The following NTAQ1 variants were observed in gnomAD, a reference collection of about 807,000 sequenced individuals.
The protein encoded by NTAQ1 is N-terminal glutamine amidase 1, also known as protein N-terminal glutamine amidohydrolase.
A neutral mutation model predicts 28.2 loss-of-function variants in NTAQ1; 21 were observed. The observed-to-expected ratio is 0.74, with a 90% CI of 0.53 to 1.07. NTAQ1 has a LOEUF of 1.07. Among genes scored for constraint, NTAQ1 ranks in the 50% least tolerant of loss-of-function variants. The pLI is 0.00. For missense variants in NTAQ1, 264 were observed against 256.6 expected, an observed-to-expected ratio of 1.03 and a Z score of -0.20; for synonymous variants, 105 against 90.0, an observed-to-expected ratio of 1.17 and a Z score of -0.94.
intron 6 of NTAQ1, among the ~76,000 whole-genome samples, chr8:123,461,881 GGAGGAGGCTATGGCTA>G (rs1228720249): frequency 6.6e-6 from 1 of 152,126 alleles, no homozygotes; most frequent in Non-Finnish European, 1.5e-5. Context: ...GACTTGCTTT[GGAGGAGGCTATGGCTA>G]GAGTGTCACA....
rs150019454 is a variant in NTAQ1, at chr8:123,464,920, C to T, written c.373-2159C>T. On this transcript the variant is annotated intron_variant, in intron 6 of 6. Coordinates refer to the NTAQ1 transcript ENST00000650311. ...GGGTGTGGTATCATGCGCCTGTAAT[C>T]CTAGCTACTTGGAAGGCTGAGGCAC... 3.4e-3 allele frequency among the ~76,000 whole-genome samples: 514 copies of T among 152,204 alleles called. 1 individual carries two copies. Among genetic ancestry groups the T allele is most frequent in the Middle Eastern group, 0.014 (4 of 294 alleles).
intron 3 of NTAQ1, among the ~76,000 whole-genome samples, chr8:123,430,967 C>T (rs1009696122): frequency 5.3e-5 from 8 of 152,146 alleles, no homozygotes; most frequent in Non-Finnish European, 1.0e-4. Flanking sequence ...GTGGCATGGT[C>T]AGTGGCAGAA....
chr8:123,449,945 G>A (rs1815432152), downstream of NTAQ1, among the ~76,000 whole-genome samples: 1 of 13,908 alleles, frequency 7.2e-5, no homozygotes, highest in African/African-American at 1.6e-4. Flanking sequence ...GTGTGTGTGT[G>A]TGTGCATATA....
chr8:123,416,796 C>G lies in NTAQ1; in HGVS notation c.-54C>G, dbSNP rs949619878. ...GCCACTACAAGCCCGCCCTTTCCTA[C>G]GTCTGGTCCAGTCGGTCTTCCTCCG... On this transcript the variant is annotated 5_prime_UTR_variant, in exon 1 of 6. Transcript: ENST00000287387. 1.3e-6 allele frequency: 2 copies of G among 1,483,020 alleles called. No individual in the cohort carries two copies. The highest frequency in any genetic ancestry group is 1.3e-5 in the South Asian group (1 of 78,174). 91.9% of individuals were successfully genotyped at this position (1,483,020 alleles called of 1,614,324 possible).
intron 1 of NTAQ1, among the ~76,000 whole-genome samples, chr8:123,424,268 A>C (rs892892188): frequency 2.7e-5 from 4 of 149,822 alleles, no homozygotes; most frequent in African/African-American, 9.9e-5. Flanking sequence ...TTTAAGACGA[A>C]GTCTTGCACT....
intron 3 of NTAQ1, among the ~76,000 whole-genome samples, chr8:123,431,003 TA>T (rs1295510734): frequency 2.0e-5 from 3 of 152,116 alleles, no homozygotes; most frequent in African/African-American, 7.2e-5. Context: ...GGGTCCTTTT[TA>T]GTACACATCT....
chr8:123,450,312 C>A (rs3912357), downstream of NTAQ1, among the ~76,000 whole-genome samples: 1 of 151,528 alleles, frequency 6.6e-6, no homozygotes, highest in Non-Finnish European at 1.5e-5. Context: ...GGTTTTGGCA[C>A]TGTGGAGGTC....
In NTAQ1 at chr8:123,432,640, A is replaced by G. The variant is rs1169532496; in HGVS notation, c.234+2607A>G. ...ATACAATGAGACTTCATCTCAAAAAAAAAAATCATTCCTATAATAATTTCT... is the reference window on the plus strand; with the variant it reads ...ATACAATGAGACTTCATCTCAAAAAGAAAAATCATTCCTATAATAATTTCT... On this transcript the variant is annotated intron_variant, in intron 3 of 5. Transcript: ENST00000287387. Among the ~76,000 whole-genome samples, 3 of 151,562 alleles carry G rather than the reference A, an allele frequency of 2.0e-5. No homozygotes were observed. The East Asian group carries it at 5.9e-4, about 30-fold the overall frequency.
At chr8:123,430,079 C>G in intron 3 of NTAQ1, 46 bp downstream of exon 3, 2 of 1,476,346 alleles carry the variant, frequency 1.4e-6, no homozygotes, top group Non-Finnish European at 1.9e-6. Context: ...TGACTTGTAA[C>G]CCCTTAGTGT....
chr8:123,417,067 G>T, intron 1 of NTAQ1, 135 bp downstream of exon 1: 1 of 851,496 alleles, frequency 1.2e-6, no homozygotes, highest in Non-Finnish European at 1.7e-6. Flanking sequence ...TTTTGCGGGA[G>T]GAGGGAGCGG....
chr8:123,452,214 CTA>C (rs1249811715), downstream of NTAQ1, among the ~76,000 whole-genome samples: 3 of 152,244 alleles, frequency 2.0e-5, no homozygotes, highest in African/African-American at 7.2e-5. Flanking sequence ...AGAGAATGAA[CTA>C]TGTCTTTTAC....
chr8:123,434,636 A>G (rs1438420827), intron 3 of NTAQ1, among the ~76,000 whole-genome samples: 1 of 152,184 alleles, frequency 6.6e-6, no homozygotes, highest in Non-Finnish European at 1.5e-5. Context: ...AAACAACAAC[A>G]ACAACAAACC....
At chr8:123,456,634 G>A (rs1250195172) in intron 6 of NTAQ1, among the ~76,000 whole-genome samples, 1 of 152,200 alleles carries the variant, frequency 6.6e-6, no homozygotes, top group Non-Finnish European at 1.5e-5. Flanking sequence ...TGCCTCAGGG[G>A]AAACAAGAGA....
chr8:123,425,496 A>G (rs12234925), intron 1 of NTAQ1, among the ~76,000 whole-genome samples: 135,748 of 149,800 alleles, frequency 0.91, 61,641 homozygotes, highest in East Asian at 0.99. Context: ...AACCACAACC[A>G]TCACTTTTCC....
exon 7 of NTAQ1, among the ~76,000 whole-genome samples, chr8:123,469,443 C>T (rs74796109): frequency 1.3e-5 from 2 of 152,290 alleles, no homozygotes; most frequent in East Asian, 3.9e-4. Context: ...AATTTACCTA[C>T]ACCATGGAAT....
intron 5 of NTAQ1, chr8:123,438,008 A>G: frequency 1.7e-6 from 1 of 585,190 alleles, no homozygotes; most frequent in South Asian, 2.1e-5. Context: ...CTGTGGTGAA[A>G]GAAATCCCCA....
In NTAQ1 at chr8:123,437,173, A is replaced by G. The variant is rs773928595; in HGVS notation, c.384-37A>G. 6.9e-6 allele frequency: 11 copies of G among 1,603,204 alleles called. No homozygotes were observed. The Admixed American group carries it at 1.4e-4, about 20-fold the overall frequency. ...ATGGAGTTAGAATTTCAAACATGAC[A>G]TCTCCCTAATGTGAGTGTATATTGA... On this transcript the variant is annotated intron_variant, in intron 4 of 5. Coordinates refer to ENST00000287387, the MANE Select transcript of NTAQ1 (RefSeq NM_018024.3).
intron 5 of NTAQ1, among the ~76,000 whole-genome samples, chr8:123,440,569 G>T (rs1285423194): frequency 6.7e-6 from 1 of 149,358 alleles, no homozygotes; most frequent in Non-Finnish European, 1.5e-5. Flanking sequence ...GCGTGATCTT[G>T]GCTCATTACA....
At chr8:123,452,617 A>G (rs1815534322), downstream of NTAQ1, among the ~76,000 whole-genome samples, 2 of 151,924 alleles carry the variant, frequency 1.3e-5, no homozygotes. Flanking sequence ...TAAAATTTTA[A>G]AAGGCTGGGC....
Sources: gnomAD v4.1 joint callset for allele counts (sites outside exome capture counted in the v4.1 genomes callset) on GRCh38, gnomAD v4.1.1 for gene constraint, MANE v1.5 for transcripts, NCBI Gene and HGNC (gene_info 2026-07-23, HGNC 2026-07-21) for gene names.